The following CSMD2 variants were observed in gnomAD, a reference collection of about 807,000 sequenced individuals.
CSMD2 encodes the protein CUB and Sushi multiple domains 2.
A neutral mutation model predicts 398.5 loss-of-function variants in CSMD2; 130 were observed. The observed-to-expected ratio is 0.33, with a 90% CI of 0.28 to 0.38. The LOEUF (loss-of-function observed/expected upper bound fraction) is 0.38, where lower values mean the gene tolerates loss of function less well. Among genes scored for constraint, CSMD2 ranks in the 10% least tolerant of loss-of-function variants. The pLI is 1.00. For synonymous variants in CSMD2, 1,828 were observed against 1,908.5 expected (o/e 0.96, Z 1.10); for missense variants, 3,829 against 4,764.9 (o/e 0.80, Z 5.78).
chr1:33,535,902 C>T (rs1183707248), intron 62 of CSMD2, among the ~76,000 whole-genome samples: 1 of 152,152 alleles, frequency 6.6e-6, no homozygotes, highest in Non-Finnish European at 1.5e-5. Context: ...AATGGTAACC[C>T]ACCCCGTTCA....
chr1:34,054,812 G>A (rs1305473764), intron 2 of CSMD2, among the ~76,000 whole-genome samples: 2 of 152,122 alleles, frequency 1.3e-5, no homozygotes, highest in African/African-American at 4.8e-5. Flanking sequence ...CTTATCGTGT[G>A]AGCTGGTGTG....
At chr1:33,551,269 A>G (rs1026673721) in intron 55 of CSMD2, among the ~76,000 whole-genome samples, 3 of 152,228 alleles carry the variant, frequency 2.0e-5, no homozygotes, top group Non-Finnish European at 4.4e-5. Flanking sequence ...TGGAGAGGTC[A>G]CTATGAGCCA....
chr1:33,844,970 C>G (rs1196327850), intron 6 of CSMD2, among the ~76,000 whole-genome samples: 2 of 152,288 alleles, frequency 1.3e-5, no homozygotes, highest in Non-Finnish European at 2.9e-5. Flanking sequence ...AATTTAGAGG[C>G]TGCAACTAGC....
At chr1:33,847,974 G>A (rs1010761902) in intron 5 of CSMD2, among the ~76,000 whole-genome samples, 13 of 152,152 alleles carry the variant, frequency 8.5e-5, no homozygotes, top group Admixed American at 6.5e-5. Context: ...ACACCATACT[G>A]GACACAAAGT....
intron 41 of CSMD2, among the ~76,000 whole-genome samples, chr1:33,610,335 G>A (rs1471553279): frequency 6.6e-6 from 1 of 151,818 alleles, no homozygotes; most frequent in African/African-American, 2.4e-5. Context: ...CAAATGCTTC[G>A]GTCAGTCACA....
chr1:33,961,778 G>A (rs762420181), intron 3 of CSMD2, among the ~76,000 whole-genome samples: 4 of 152,038 alleles, frequency 2.6e-5, no homozygotes, highest in African/African-American at 4.8e-5. Flanking sequence ...CATGGGACAC[G>A]CTGGCTTCCC....
intron 1 of CSMD2, among the ~76,000 whole-genome samples, chr1:34,153,614 C>A (rs11580481): frequency 6.6e-6 from 1 of 152,232 alleles, no homozygotes; most frequent in African/African-American, 2.4e-5. Flanking sequence ...TAACTGCCTG[C>A]TGAAGGAGTA....
At chr1:33,753,437 G>A (rs1432788734) in intron 13 of CSMD2, among the ~76,000 whole-genome samples, 1 of 152,240 alleles carries the variant, frequency 6.6e-6, no homozygotes, top group East Asian at 1.9e-4. Context: ...AGCCTTAGCA[G>A]CTTTCATGCG....
chr1:33,620,860 A>T (rs1391048988), intron 37 of CSMD2, among the ~76,000 whole-genome samples: 1 of 121,620 alleles, frequency 8.2e-6, no homozygotes, highest in Non-Finnish European at 1.6e-5. Flanking sequence ...CTTTCAGGTG[A>T]TGAGCATCCT....
At chr1:34,068,727 C>T (rs551517003) in intron 2 of CSMD2, among the ~76,000 whole-genome samples, 30 of 152,166 alleles carry the variant, frequency 2.0e-4, no homozygotes, top group Non-Finnish European at 3.8e-4. Flanking sequence ...TGAATTCCCA[C>T]GTGTTGGGGT....
intron 3 of CSMD2, among the ~76,000 whole-genome samples, chr1:33,964,954 A>G (rs940230059): frequency 6.6e-6 from 1 of 152,240 alleles, no homozygotes; most frequent in Non-Finnish European, 1.5e-5. Flanking sequence ...GAGAACTTGC[A>G]TTTAGCACTG....
chr1:33,545,741 C>T (rs991026842), intron 57 of CSMD2, among the ~76,000 whole-genome samples: 1 of 152,224 alleles, frequency 6.6e-6, no homozygotes, highest in Non-Finnish European at 1.5e-5. Context: ...GCACATTCCA[C>T]AGCACTTGGC....
At chr1:33,688,485 GTTTCA>G (rs1455022328) in intron 25 of CSMD2, among the ~76,000 whole-genome samples, 14 of 152,148 alleles carry the variant, frequency 9.2e-5, no homozygotes, top group Non-Finnish European at 1.5e-4. Context: ...TTGTGGAAAC[GTTTCA>G]TTTCGAGTTT....
chr1:33,765,294 A>G lies in CSMD2; in HGVS notation c.1846+7275T>C, dbSNP rs1203293879. 3.3e-5 allele frequency among the ~76,000 whole-genome samples: 5 copies of G among 152,324 alleles called. No individual in the cohort carries two copies. The South Asian group carries it at 1.0e-3, about 32-fold the overall frequency. On this transcript the variant is annotated intron_variant, in intron 13 of 70. Coordinates refer to ENST00000373381, the MANE Select transcript of CSMD2 (RefSeq NM_001281956.2). The stretch of plus-strand genomic sequence containing the variant: ...AGAGAAAATAATTCAGGGAGGAAGG[A>G]GTTGTTTCTAGCTCTGCCAGATATT...
intron 10 of CSMD2, among the ~76,000 whole-genome samples, chr1:33,795,067 G>A (rs184450746): frequency 8.5e-4 from 128 of 150,266 alleles, no homozygotes; most frequent in Middle Eastern, 3.4e-3. Context: ...TAGGTGAGGC[G>A]GGATGTGGAC....
rs1252273848 is a variant in CSMD2, at chr1:33,887,837, AAT to A, written c.920+30255_920+30256del. ...AAATAAAATTACATTACTTGCAGCT[AAT>A]ATGATTGTCTAATCTAGAAAATCTA... is the stretch of plus-strand genomic sequence containing the variant. On this transcript the variant is annotated intron_variant, in intron 5 of 70. Coordinates refer to ENST00000373381, the MANE Select transcript of CSMD2 (RefSeq NM_001281956.2). 2.6e-5 allele frequency among the ~76,000 whole-genome samples: 4 copies of A among 152,174 alleles called. No homozygotes were observed. In the East Asian group the frequency reaches 7.7e-4, roughly 29 times the overall value.
chr1:33,896,306 C>G (rs1315133738), intron 5 of CSMD2, among the ~76,000 whole-genome samples: 1 of 152,020 alleles, frequency 6.6e-6, no homozygotes, highest in Non-Finnish European at 1.5e-5. Context: ...TCTCTTCCAT[C>G]AGCACATTTT....
At chr1:33,609,188 C>A (rs1473710240) in intron 41 of CSMD2, among the ~76,000 whole-genome samples, 1 of 152,040 alleles carries the variant, frequency 6.6e-6, no homozygotes, top group East Asian at 1.9e-4. Context: ...GATGACAAGC[C>A]CAGCCGCACT....
Position 33,734,784 on chromosome 1 carries a change from C to CA in CSMD2, c.2368+4355dup, listed in dbSNP as rs11337287. ...TGGATGACAGAGCAAGATTCCATCT[C>CA]AAAAAAAAAAAAGAAAAAAGAAAAA... is the stretch of plus-strand genomic sequence containing the variant. On this transcript the variant is annotated intron_variant, in intron 15 of 70. Coordinates refer to ENST00000373381, the MANE Select transcript of CSMD2 (RefSeq NM_001281956.2). 5.2e-3 allele frequency among the ~76,000 whole-genome samples: 670 copies of CA among 128,890 alleles called. 5 individuals carry two copies. The highest frequency in any genetic ancestry group is 0.012 in the African/African-American group (432 of 37,138). The allele number at this position is 128,890 out of a possible 152,430, so 84.6% of individuals were successfully genotyped here. A position where few individuals can be genotyped will look rare whatever the true frequency, so the allele number is the denominator to read the frequency against.
Sources: allele counts gnomAD v4.1 joint callset (sites outside exome capture counted in the v4.1 genomes callset), GRCh38; gene constraint gnomAD v4.1.1; transcripts MANE v1.5; gene names NCBI Gene and HGNC (gene_info 2026-07-23, HGNC 2026-07-21).